EXOC6B: variants seen among roughly 807,000 people sequenced by gnomAD.
The protein encoded by EXOC6B is exocyst complex component 6B, also known as SEC15 homolog B.
EXOC6B carries 54 observed loss-of-function variants against 113.5 expected under a neutral mutation model. That is an observed-to-expected ratio of 0.48 (90% CI 0.38 to 0.60). The LOEUF (loss-of-function observed/expected upper bound fraction) is 0.60. Ranked by LOEUF, EXOC6B falls within the 20% of genes least tolerant of loss-of-function variation. The pLI is 0.00. For synonymous variants in EXOC6B, 357 were observed against 339.0 expected (o/e 1.05, Z -0.58); for missense variants, 797 against 977.5 (o/e 0.82, Z 2.46).
At chr2:72,735,088 C>T (rs1680863032) in intron 2 of EXOC6B, among the ~76,000 whole-genome samples, 1 of 152,126 alleles carries the variant, frequency 6.6e-6, no homozygotes, top group Admixed American at 6.5e-5. Flanking sequence ...TACGGGCTTC[C>T]TTGGGTGATA....
intron 6 of EXOC6B, among the ~76,000 whole-genome samples, chr2:72,579,524 T>C (rs1199447995): frequency 6.6e-6 from 1 of 152,146 alleles, no homozygotes; most frequent in Non-Finnish European, 1.5e-5. Context: ...TTGACTTGAG[T>C]GCTTTTCTAC....
chr2:72,572,684 C>T (rs1355024964), intron 7 of EXOC6B, among the ~76,000 whole-genome samples: 1 of 152,130 alleles, frequency 6.6e-6, no homozygotes, highest in Non-Finnish European at 1.5e-5. Context: ...AAGGTCAGAA[C>T]GTCACAGTGG....
intron 8 of EXOC6B, among the ~76,000 whole-genome samples, chr2:72,551,236 C>T (rs1203309107): frequency 6.6e-6 from 1 of 151,990 alleles, no homozygotes; most frequent in Non-Finnish European, 1.5e-5. Context: ...CTCGCTCTGT[C>T]ACCCAGGCTG....
At chr2:72,765,919 C>G (rs1683031287) in intron 1 of EXOC6B, among the ~76,000 whole-genome samples, 1 of 152,012 alleles carries the variant, frequency 6.6e-6, no homozygotes, top group African/African-American at 2.4e-5. Context: ...AATCCCGGTA[C>G]CTTAAATTAG....
At position 72,176,530 on chromosome 2, in the gene EXOC6B, G is replaced by A. The variant is rs1169284343; in HGVS notation, c.*2805C>T. The A allele has an allele frequency of 1.3e-5, 2 of 152,176 alleles. No homozygotes were observed. The highest frequency in any genetic ancestry group is 2.9e-5 in the Non-Finnish European group (2 of 68,042). 9.4% of individuals were successfully genotyped at this position (152,176 alleles called of 1,614,324 possible). ...GACTGGTATGCAATGAGAACAGTGG[G>A]CAATGCACCCTGGAAGCTCTACATT... On this transcript the variant is annotated 3_prime_UTR_variant, in exon 22 of 22. Coordinates refer to ENST00000272427, the MANE Select transcript of EXOC6B (RefSeq NM_015189.3).
intron 20 of EXOC6B, among the ~76,000 whole-genome samples, chr2:72,206,676 C>G (rs1679859358): frequency 6.6e-6 from 1 of 152,118 alleles, no homozygotes. Context: ...CCTCAACATA[C>G]TGTGACTAAA....
chr2:72,264,180 G>C (rs893306259), intron 20 of EXOC6B, among the ~76,000 whole-genome samples: 1 of 152,124 alleles, frequency 6.6e-6, no homozygotes, highest in African/African-American at 2.4e-5. Context: ...TCCATCCACT[G>C]AATGAGAACA....
At chr2:72,430,453 T>C (rs529937541) in intron 18 of EXOC6B, among the ~76,000 whole-genome samples, 2 of 152,300 alleles carry the variant, frequency 1.3e-5, no homozygotes, top group East Asian at 3.9e-4. Context: ...CTGGCCAACA[T>C]GGTGAAACCC....
Position 72,718,109 on chromosome 2 carries a change from C to A in EXOC6B, c.663G>T (p.Met221Ile). 1 of 1,607,464 alleles carries A rather than the reference C, an allele frequency of 6.2e-7. No homozygotes were observed. The highest frequency in any genetic ancestry group is 8.5e-7 in the Non-Finnish European group (1 of 1,176,506). The change falls in exon 6 of 22, where the codon ATG becomes ATT. Residue 221 changes from methionine to isoleucine, a missense_variant. Met to Ile is a conservative substitution (Grantham distance 10). Transcript: ENST00000272427. Reference sequence around the variant, plus strand: ...TCATAAACCCAAGACCTACTTGCTTCATGGCAGTCTCTCCAATTTTGTCTG... The same window carrying A: ...TCATAAACCCAAGACCTACTTGCTTAATGGCAGTCTCTCCAATTTTGTCTG... ...KHSDKIGETA[M>I]KQAQQQRNLD...
intron 20 of EXOC6B, among the ~76,000 whole-genome samples, chr2:72,327,372 A>G (rs997956713): frequency 1.3e-5 from 2 of 152,044 alleles, no homozygotes; most frequent in Non-Finnish European, 2.9e-5. Flanking sequence ...TAAGACTACC[A>G]TGGTCTTAGT....
intron 1 of EXOC6B, among the ~76,000 whole-genome samples, chr2:72,779,854 C>T (rs886155706): frequency 3.3e-5 from 5 of 152,134 alleles, no homozygotes; most frequent in African/African-American, 9.7e-5. Context: ...GGTGTATGCC[C>T]GTTGCTTCAT....
chr2:72,796,394 A>G lies in EXOC6B; in HGVS notation c.113+29404T>C, dbSNP rs1191612577. ...TTTGAACCCAGGAGGTGGAGGTTGC[A>G]GTGAGCTGAAATCATGCCACTGCAC... On this transcript the variant is annotated intron_variant, in intron 1 of 21. Coordinates refer to ENST00000272427, the MANE Select transcript of EXOC6B (RefSeq NM_015189.3). 3.3e-5 allele frequency among the ~76,000 whole-genome samples: 5 copies of G among 149,760 alleles called. No individual in the cohort carries two copies. In the South Asian group the frequency reaches 8.8e-4, roughly 26 times the overall value.
intron 8 of EXOC6B, among the ~76,000 whole-genome samples, chr2:72,522,276 T>C (rs895310480): frequency 6.6e-6 from 1 of 152,156 alleles, no homozygotes; most frequent in Non-Finnish European, 1.5e-5. Context: ...TAATATTATA[T>C]CACACCCTAT....
intron 17 of EXOC6B, among the ~76,000 whole-genome samples, chr2:72,469,585 T>C (rs1422309503): frequency 6.6e-6 from 1 of 152,110 alleles, no homozygotes; most frequent in Non-Finnish European, 1.5e-5. Context: ...TCCAAATAAT[T>C]TGACATTTTC....
At chr2:72,751,901 G>A (rs1644287850) in intron 1 of EXOC6B, among the ~76,000 whole-genome samples, 1 of 152,084 alleles carries the variant, frequency 6.6e-6, no homozygotes, top group Admixed American at 6.6e-5. Context: ...CTTACCAAAA[G>A]CAGCCCCATC....
chr2:72,434,262 T>C (rs1245249880), intron 18 of EXOC6B, among the ~76,000 whole-genome samples: 1 of 152,236 alleles, frequency 6.6e-6, no homozygotes, highest in Non-Finnish European at 1.5e-5. Context: ...CCCAACTTGA[T>C]CATGGTGGAT....
At chr2:72,401,653 A>G (rs1380211623) in intron 18 of EXOC6B, among the ~76,000 whole-genome samples, 2 of 75,434 alleles carry the variant, frequency 2.7e-5, no homozygotes, top group African/African-American at 9.7e-5. Flanking sequence ...ATACATATAT[A>G]TATATATATA....
At chr2:72,462,566 T>A (rs1419995990) in intron 18 of EXOC6B, 1 of 151,682 alleles carries the variant, frequency 6.6e-6, no homozygotes, top group Non-Finnish European at 1.5e-5. Context: ...ATTGGGGGAG[T>A]GAGTTTGTCC....
intron 6 of EXOC6B, among the ~76,000 whole-genome samples, chr2:72,692,816 T>C (rs1333509881): frequency 6.6e-6 from 1 of 152,166 alleles, no homozygotes; most frequent in Middle Eastern, 3.2e-3. Context: ...CTGTGCAAAA[T>C]ATTCTACAAA....
Sources: allele counts gnomAD v4.1 joint callset (sites outside exome capture counted in the v4.1 genomes callset), GRCh38; gene constraint gnomAD v4.1.1; transcripts MANE v1.5; gene names NCBI Gene and HGNC (gene_info 2026-07-23, HGNC 2026-07-21).